GPR149: variants seen among roughly 807,000 people sequenced by gnomAD.
GPR149 encodes probable G protein-coupled receptor 149.
Under a neutral mutation model 50.2 loss-of-function variants are expected in GPR149, and 50 were observed. The observed-to-expected ratio is 1.00, with a 90% CI of 0.79 to 1.26. The LOEUF (loss-of-function observed/expected upper bound fraction) is 1.26. Among genes scored for constraint, GPR149 ranks in the 50% most tolerant of loss-of-function variants. The pLI, the probability that GPR149 is intolerant of heterozygous loss-of-function variation, is 0.00. For missense variants in GPR149, 983 were observed against 895.4 expected, an observed-to-expected ratio of 1.10 and a Z score of -1.25; for synonymous variants, 405 against 358.2, an observed-to-expected ratio of 1.13 and a Z score of -1.48.
chr3:154,402,911 A>T (rs1711581651), intron 3 of GPR149, among the ~76,000 whole-genome samples: 1 of 152,084 alleles, frequency 6.6e-6, no homozygotes, highest in African/African-American at 2.4e-5. Context: ...TGAAAATTTT[A>T]TGTTAGTATT....
At chr3:154,384,981 A>G (rs1715014720) in intron 3 of GPR149, among the ~76,000 whole-genome samples, 1 of 152,218 alleles carries the variant, frequency 6.6e-6, no homozygotes, top group African/African-American at 2.4e-5. Context: ...CCAAATGGAT[A>G]TATAAATAAA....
At chr3:154,397,644 C>G (rs1407651649) in intron 3 of GPR149, among the ~76,000 whole-genome samples, 2 of 152,070 alleles carry the variant, frequency 1.3e-5, no homozygotes, top group African/African-American at 4.8e-5. Context: ...TGCTGCACAT[C>G]ACGAGTCCTA....
chr3:154,357,429 C>T (rs1308104204), intron 3 of GPR149, among the ~76,000 whole-genome samples: 1 of 152,034 alleles, frequency 6.6e-6, no homozygotes, highest in Non-Finnish European at 1.5e-5. Context: ...TCGCAACCTA[C>T]TCATCTGACA....
At position 154,421,326 on chromosome 3, in the gene GPR149, G is replaced by T. The variant is rs375230371; in HGVS notation, c.1336C>A (p.Arg446Ser). The T allele has an allele frequency of 6.2e-6, 10 of 1,613,164 alleles. No individual in the cohort carries two copies. The highest frequency in any genetic ancestry group is 1.3e-5 in the African/African-American group (1 of 74,856). ...ETTKDPQRDN[R>S]NIFNAIKVEI... ...ACTTTTATAGCATTGAAGATGTTAC[G>T]GTTGTCTCTCTGAGGGTCTTTTGTA... The change falls in exon 3 of 4, where the codon CGT (arginine) becomes AGT (serine). Residue 446 changes from arginine (R) to serine (S), a missense_variant. By Grantham distance (110) the Arg-to-Ser change is moderately radical (BLOSUM62 -1). Coordinates refer to ENST00000389740, the MANE Select transcript of GPR149 (RefSeq NM_001038705.3).
intron 3 of GPR149, among the ~76,000 whole-genome samples, chr3:154,341,217 T>C (rs1245261569): frequency 1.3e-5 from 2 of 148,306 alleles, no homozygotes; most frequent in Non-Finnish European, 3.0e-5. Flanking sequence ...TCAGTTTTTA[T>C]AGATAATATC....
intron 3 of GPR149, among the ~76,000 whole-genome samples, chr3:154,409,589 G>A (rs569353658): frequency 6.6e-6 from 1 of 152,076 alleles, no homozygotes; most frequent in East Asian, 1.9e-4. Flanking sequence ...AAAATGCACT[G>A]GAAGGTCTCA....
chr3:154,405,232 A>C (rs532061289), intron 3 of GPR149, among the ~76,000 whole-genome samples: 1 of 152,308 alleles, frequency 6.6e-6, no homozygotes, highest in African/African-American at 2.4e-5. Context: ...TTTAATACAC[A>C]CAAACAATAG....
chr3:154,412,207 A>G (rs1457515929), intron 3 of GPR149, among the ~76,000 whole-genome samples: 1 of 152,180 alleles, frequency 6.6e-6, no homozygotes, highest in Admixed American at 6.6e-5. Context: ...ATCCTAAGGT[A>G]ATAAAAGCCA....
At chr3:154,394,505 C>T (rs1715245802) in intron 3 of GPR149, among the ~76,000 whole-genome samples, 1 of 151,834 alleles carries the variant, frequency 6.6e-6, no homozygotes, top group Non-Finnish European at 1.5e-5. Flanking sequence ...GATGTAATGC[C>T]AAAAGCATGG....
chr3:154,336,548 C>T lies in GPR149; in HGVS notation c.*1151G>A, dbSNP rs1423131042. The T allele has an allele frequency of 1.3e-5, 2 of 152,020 alleles. No individual in the cohort carries two copies. Among genetic ancestry groups the T allele is most frequent in the Non-Finnish European group, 2.9e-5 (2 of 67,918 alleles). The allele number at this position is 152,020 out of a possible 1,614,324, so 9.4% of individuals were successfully genotyped here. ...AAATCACTTTATAATTTTTGAAATA[C>T]ATCTTACTATTATTCTGCCAAGGTG... On this transcript the variant is annotated 3_prime_UTR_variant, in exon 4 of 4. Coordinates refer to ENST00000389740, the MANE Select transcript of GPR149 (RefSeq NM_001038705.3).
intron 3 of GPR149, among the ~76,000 whole-genome samples, chr3:154,392,850 C>T (rs1356014555): frequency 6.6e-6 from 1 of 151,870 alleles, no homozygotes; most frequent in African/African-American, 2.4e-5. Context: ...GATAAATTCT[C>T]AGAAACATAC....
At chr3:154,351,017 A>G (rs1714064026) in intron 3 of GPR149, among the ~76,000 whole-genome samples, 1 of 152,162 alleles carries the variant, frequency 6.6e-6, no homozygotes, top group Non-Finnish European at 1.5e-5. Context: ...ATAATTTTGT[A>G]TCTGAATATT....
Position 154,429,193 on chromosome 3 carries a change from C to G in GPR149, c.423G>C (p.Gln141His), listed in dbSNP as rs1380058914. The part of the protein sequence containing the change: ...FYTMHRGVGS[Q>H]TASRRSGQVL... Reference sequence around the variant, plus strand: ...CCTGGCCCGATCTTCTGGAGGCTGTCTGGCTCCCCACACCTCTGTGCATCG... The same window carrying G: ...CCTGGCCCGATCTTCTGGAGGCTGTGTGGCTCCCCACACCTCTGTGCATCG... The change falls in exon 1 of 4, where the codon CAG becomes CAC. Residue 141 changes from glutamine (Q) to histidine (H), a missense_variant. Gln to His is a conservative substitution (Grantham distance 24). Transcript: ENST00000389740. 3.7e-6 allele frequency: 6 copies of G among 1,614,034 alleles called. No individual in the cohort carries two copies. Among genetic ancestry groups the G allele is most frequent in the Non-Finnish European group, 4.2e-6 (5 of 1,180,044 alleles).
chr3:154,343,385 C>G (rs1713849966), intron 3 of GPR149, among the ~76,000 whole-genome samples: 1 of 151,912 alleles, frequency 6.6e-6, no homozygotes, highest in Non-Finnish European at 1.5e-5. Context: ...CTCTTTTGAT[C>G]AAGGAAGTTT....
chr3:154,415,764 AT>A (rs1215741383), intron 3 of GPR149, among the ~76,000 whole-genome samples: 1 of 151,936 alleles, frequency 6.6e-6, no homozygotes, highest in African/African-American at 2.4e-5. Flanking sequence ...ATTTTCTACA[AT>A]AATTATAAGT....
At chr3:154,350,880 A>G (rs754958286) in intron 3 of GPR149, among the ~76,000 whole-genome samples, 6 of 152,194 alleles carry the variant, frequency 3.9e-5, no homozygotes, top group Non-Finnish European at 8.8e-5. Context: ...CTCCTCGCAT[A>G]TACTTTAAAA....
chr3:154,343,068 T>G (rs1559968754), intron 3 of GPR149, among the ~76,000 whole-genome samples: 1 of 152,250 alleles, frequency 6.6e-6, no homozygotes, highest in African/African-American at 2.4e-5. Context: ...AGGCTGTAAG[T>G]TCTGCCTGGG....
intron 3 of GPR149, among the ~76,000 whole-genome samples, chr3:154,355,836 AT>A (rs893192038): frequency 1.3e-5 from 2 of 152,182 alleles, no homozygotes; most frequent in Admixed American, 6.5e-5. Context: ...GAAATGATAT[AT>A]TTTCATTCGT....
chr3:154,409,740 A>G (rs1373000968), intron 3 of GPR149, among the ~76,000 whole-genome samples: 3 of 152,192 alleles, frequency 2.0e-5, no homozygotes, highest in Admixed American at 6.5e-5. Flanking sequence ...TGTGTTAAAC[A>G]TCCAAACCTA....
Sources: gnomAD v4.1 joint callset for allele counts (sites outside exome capture counted in the v4.1 genomes callset) on GRCh38, gnomAD v4.1.1 for gene constraint, MANE v1.5 for transcripts, NCBI Gene and HGNC (gene_info 2026-07-23, HGNC 2026-07-21) for gene names.